Variants in OR5A2 observed in about 807,000 individuals in gnomAD.
OR5A2 encodes olfactory receptor 5A2.
For missense variants in OR5A2, 406 were observed against 398.9 expected (o/e 1.02, Z -0.15); for synonymous variants, 155 against 151.1 (o/e 1.03, Z -0.19).
intron 1 of OR5A2, chr11:59,424,795 TTG>T (rs1565071285): frequency 6.6e-6 from 1 of 152,194 alleles, no homozygotes; most frequent in Non-Finnish European, 1.5e-5. Flanking sequence ...GCTCCTAGCT[TTG>T]TGTTTTTTAC....
Position 59,422,765 on chromosome 11 carries a change from G to C in OR5A2, c.189C>G (p.Phe63Leu), listed in dbSNP as rs770361064. ...TGTCCAGGAAGGACAGGTTACTGAG[G>C]AAGAAGTACATGGGCATGTGCAGGT... ...DSHLHMPMYF[F>L]LSNLSFLDIC... The change falls in exon 2 of 2, where the codon TTC (phenylalanine) becomes TTG (leucine). Residue 63 changes from phenylalanine (F) to leucine (L), a missense_variant. Transcript: ENST00000302040. The C allele has an allele frequency of 6.2e-6, 10 of 1,614,020 alleles. No individual in the cohort carries two copies. Among genetic ancestry groups the C allele is most frequent in the African/African-American group, 1.3e-5 (1 of 74,924 alleles).
chr11:59,422,099 C>T lies in OR5A2; in HGVS notation c.855G>A (p.Val285=). The change falls in exon 2 of 2, where the codon GTG becomes GTA. Residue 285 remains valine, a synonymous_variant. Coordinates refer to ENST00000302040, the MANE Select transcript of OR5A2 (RefSeq NM_001001954.2). The part of the protein sequence containing the change: ...VSIFYALVIP[V]VNPIIYSFRN... ...TAAAACTGTAGATGATGGGATTCACCACGGGGATCACCAAGGCATAGAATA... is the reference window on the plus strand; with the variant it reads ...TAAAACTGTAGATGATGGGATTCACTACGGGGATCACCAAGGCATAGAATA... 1 of 1,613,990 alleles carries T rather than the reference C, an allele frequency of 6.2e-7. No individual in the cohort carries two copies. Among genetic ancestry groups the T allele is most frequent in the Non-Finnish European group, 8.5e-7 (1 of 1,179,996 alleles).
chr11:59,423,588 T>TTGTG (rs746359627), intron 1 of OR5A2: 2 of 150,848 alleles, frequency 1.3e-5, no homozygotes. Context: ...GGAAAAAAAT[T>TTGTG]TGTGTGTGTG....
Position 59,422,257 on chromosome 11 carries a change from T to C in OR5A2, c.697A>G (p.Thr233Ala). Reference protein sequence around the residue: ...VAAVVKISSATGRTKAFSTCA... With the variant: ...VAAVVKISSAAGRTKAFSTCA... ...GTGCTGAAGGCCTTTGTCCTACCTG[T>C]AGCTGAGCTGATCTTCACAACAGCA... Residue 233 changes from threonine (T) to alanine (A), a missense_variant, in exon 2 of 2, where the codon ACA (threonine) becomes GCA (alanine). Transcript: ENST00000302040. 1 of 1,614,108 alleles carries C rather than the reference T, an allele frequency of 6.2e-7. No individual in the cohort carries two copies. The highest frequency in any genetic ancestry group is 1.3e-5 in the African/African-American group (1 of 75,032).
rs1013363565 is a variant in OR5A2 at position 59,417,231 on chromosome 11, T to C, written c.*4748A>G. On this transcript the variant is annotated 3_prime_UTR_variant, in exon 2 of 2. Coordinates refer to ENST00000302040, the MANE Select transcript of OR5A2 (RefSeq NM_001001954.2). Reference sequence around the variant, plus strand: ...AAAGTGTGCGGTTAGTCTCTTCAACTAGATACTGCCAGCCATTTGGTCTGG... The same window carrying C: ...AAAGTGTGCGGTTAGTCTCTTCAACCAGATACTGCCAGCCATTTGGTCTGG... 1 of 152,022 alleles carries C rather than the reference T, an allele frequency of 6.6e-6. No individual in the cohort carries two copies. The highest frequency in any genetic ancestry group is 1.5e-5 in the Non-Finnish European group (1 of 67,958). 9.4% of individuals were successfully genotyped at this position (152,022 alleles called of 1,614,324 possible).
At chr11:59,423,077 T>TA in intron 1 of OR5A2, 33 bp from the exon 2 acceptor site, 1 of 1,002,256 alleles carries the variant, frequency 1.0e-6, no homozygotes, top group African/African-American at 1.6e-5. Context: ...AGCAACAAGT[T>TA]AAACTACACC....
Position 59,421,904 on chromosome 11 carries a change from A to T in OR5A2, c.*75T>A. On this transcript the variant is annotated 3_prime_UTR_variant, in exon 2 of 2. Transcript: ENST00000302040. ...GAAAAAAGCCTGATTCCCACAATTC[A>T]TTCTATAGATCAACTAGTTTAAAAT... The T allele has an allele frequency of 7.0e-7, 1 of 1,430,032 alleles. No homozygotes were observed. The highest frequency in any genetic ancestry group is 1.4e-5 in the South Asian group (1 of 70,108). The allele number at this position is 1,430,032 out of a possible 1,614,324, so 88.6% of individuals were successfully genotyped here.
At chr11:59,423,445 A>AG (rs1307287428) in intron 1 of OR5A2, 3 of 153,458 alleles carry the variant, frequency 2.0e-5, no homozygotes, top group African/African-American at 7.2e-5. Context: ...TAAGCATTAT[A>AG]GATCTTTAGT....
chr11:59,421,764 G>T lies in OR5A2; in HGVS notation c.*215C>A. ...TTTGTCATGATGAAGTTTTCTGCTA[G>T]GCAGAGCATTTAAAATCTCAAACTA... On this transcript the variant is annotated 3_prime_UTR_variant, in exon 2 of 2. Coordinates refer to ENST00000302040, the MANE Select transcript of OR5A2 (RefSeq NM_001001954.2). The T allele has an allele frequency of 4.2e-6, 2 of 481,570 alleles. No homozygotes were observed. The highest frequency in any genetic ancestry group is 4.4e-5 in the South Asian group (1 of 22,536). The allele number at this position is 481,570 out of a possible 1,614,324, so 29.8% of individuals were successfully genotyped here. A position where few individuals can be genotyped will look rare whatever the true frequency, so the allele number is the denominator to read the frequency against.
In OR5A2 at chr11:59,422,471, T is replaced by C. The variant is rs750724216; in HGVS notation, c.483A>G (p.Thr161=). The part of the protein sequence containing the change: ...VGGFLSSFIE[T]YSVYQHDFCG... ...AGAAATCATGCTGATAGACAGAGTA[T>C]GTTTCAATGAAAGAACTAAGGAATC... Residue 161 remains threonine (T), a synonymous_variant, in exon 2 of 2, where the codon ACA becomes ACG. Transcript: ENST00000302040. 1 of 1,614,122 alleles carries C rather than the reference T, an allele frequency of 6.2e-7. No individual in the cohort carries two copies.
intron 1 of OR5A2, chr11:59,423,694 T>C (rs975934667): frequency 5.3e-5 from 8 of 152,160 alleles, no homozygotes; most frequent in Admixed American, 1.3e-4. Flanking sequence ...TGTATGTTTG[T>C]GCATATATAT....
In OR5A2 at chr11:59,420,506, C is replaced by T. The variant is rs1027776811; in HGVS notation, c.*1473G>A. ...GCAGTATTCTAAGTATTTACATGTA[C>T]TGACTCATTTAATTCTTCACAATAG... is the stretch of plus-strand genomic sequence containing the variant. On this transcript the variant is annotated 3_prime_UTR_variant, in exon 2 of 2. Transcript: ENST00000302040. 6.6e-6 allele frequency: 1 copy of T among 152,064 alleles called. No homozygotes were observed. Among genetic ancestry groups the T allele is most frequent in the African/African-American group, 2.4e-5 (1 of 41,420 alleles). 9.4% of individuals were successfully genotyped at this position (152,064 alleles called of 1,614,324 possible). A position where few individuals can be genotyped will look rare whatever the true frequency, so the allele number is the denominator to read the frequency against.
Position 59,421,419 on chromosome 11 carries a change from T to G in OR5A2, c.*560A>C, listed in dbSNP as rs1858218600. 6.6e-6 allele frequency: 1 copy of G among 152,478 alleles called. No homozygotes were observed. The highest frequency in any genetic ancestry group is 2.4e-5 in the African/African-American group (1 of 41,428). 9.4% of individuals were successfully genotyped at this position (152,478 alleles called of 1,614,324 possible). On this transcript the variant is annotated 3_prime_UTR_variant, in exon 2 of 2. Transcript: ENST00000302040. Reference sequence around the variant, plus strand: ...TGTGAATGGGGACAAATATCCAAATTCTATCAAGGCCCAAATCAGAATTAT... The same window carrying G: ...TGTGAATGGGGACAAATATCCAAATGCTATCAAGGCCCAAATCAGAATTAT...
rs1858248543 is a variant in OR5A2, at chr11:59,422,873, G to A, written c.81C>T (p.Phe27=). The change falls in exon 2 of 2, where the codon TTC becomes TTT. Residue 27 remains phenylalanine, a synonymous_variant. Coordinates refer to ENST00000302040, the MANE Select transcript of OR5A2 (RefSeq NM_001001954.2). ...AGAGCCCCAGAAATAACATGAAAAG[G>A]AAAATCTTCATTTGAGGATGGTCTG... ...GLSDHPQMKI[F]LFMLFLGLYL... The A allele has an allele frequency of 1.2e-6, 2 of 1,614,146 alleles. No individual in the cohort carries two copies. Among genetic ancestry groups the A allele is most frequent in the African/African-American group, 1.3e-5 (1 of 75,026 alleles).
rs557787118 is a variant in OR5A2 at position 59,420,800 on chromosome 11, C to G, written c.*1179G>C. On this transcript the variant is annotated 3_prime_UTR_variant, in exon 2 of 2. Coordinates refer to ENST00000302040, the MANE Select transcript of OR5A2 (RefSeq NM_001001954.2). ...TTCTCTTCCAGAATTAATCACAGCCCTGGTAAAAATAGAGAACTTTTCATC... is the reference window on the plus strand; with the variant it reads ...TTCTCTTCCAGAATTAATCACAGCCGTGGTAAAAATAGAGAACTTTTCATC... The G allele has an allele frequency of 6.6e-6, 1 of 152,154 alleles. No individual in the cohort carries two copies. Among genetic ancestry groups the G allele is most frequent in the Non-Finnish European group, 1.5e-5 (1 of 68,032 alleles). The allele number at this position is 152,154 out of a possible 1,614,324, so 9.4% of individuals were successfully genotyped here.
chr11:59,418,308 T>TA lies in OR5A2; in HGVS notation c.*3670dup, dbSNP rs920088426. The TA allele has an allele frequency of 2.0e-5, 3 of 152,180 alleles. No homozygotes were observed. Among genetic ancestry groups the TA allele is most frequent in the African/African-American group, 7.2e-5 (3 of 41,468 alleles). The allele number at this position is 152,180 out of a possible 1,614,324, so 9.4% of individuals were successfully genotyped here. On this transcript the variant is annotated 3_prime_UTR_variant, in exon 2 of 2. Coordinates refer to ENST00000302040, the MANE Select transcript of OR5A2 (RefSeq NM_001001954.2). ...CAGATGGATAATTGTGCCACTGGCG[T>TA]AAGTTCAAGCTTGGCAGCTTTGTTC...
At position 59,422,934 on chromosome 11, in the gene OR5A2, T is replaced by G; in HGVS notation, c.20A>C (p.Asn7Thr). The G allele has an allele frequency of 6.2e-7, 1 of 1,613,618 alleles. No individual in the cohort carries two copies. The highest frequency in any genetic ancestry group is 8.5e-7 in the Non-Finnish European group (1 of 1,179,682). Reference sequence around the variant, plus strand: ...GAGAATGAATTTTGTCACAATTGTGTTGTTCCTTCCTACAGCCATAGGCCT... The same window carrying G: ...GAGAATGAATTTTGTCACAATTGTGGTGTTCCTTCCTACAGCCATAGGCCT... MAVGRN[N>T]TIVTKFILLG... The change falls in exon 2 of 2, where the codon AAC becomes ACC. Residue 7 changes from asparagine to threonine, a missense_variant. Transcript: ENST00000302040.
In OR5A2 at chr11:59,421,628, C is replaced by T; in HGVS notation, c.*351G>A. 5.3e-6 allele frequency: 1 copy of T among 190,340 alleles called. No individual in the cohort carries two copies. Among genetic ancestry groups the T allele is most frequent in the African/African-American group, 2.3e-5 (1 of 42,878 alleles). The allele number at this position is 190,340 out of a possible 1,614,324, so 11.8% of individuals were successfully genotyped here. On this transcript the variant is annotated 3_prime_UTR_variant, in exon 2 of 2. Coordinates refer to ENST00000302040, the MANE Select transcript of OR5A2 (RefSeq NM_001001954.2). Reference sequence around the variant, plus strand: ...AGAAAAAACATCATCCTCTTCAGGTCATTATACCATGTTGTACCTTAAATA... The same window carrying T: ...AGAAAAAACATCATCCTCTTCAGGTTATTATACCATGTTGTACCTTAAATA...
chr11:59,420,503 G>A lies in OR5A2; in HGVS notation c.*1476C>T, dbSNP rs1302005104. On this transcript the variant is annotated 3_prime_UTR_variant, in exon 2 of 2. Coordinates refer to ENST00000302040, the MANE Select transcript of OR5A2 (RefSeq NM_001001954.2). Reference sequence around the variant, plus strand: ...AATGCAGTATTCTAAGTATTTACATGTACTGACTCATTTAATTCTTCACAA... The same window carrying A: ...AATGCAGTATTCTAAGTATTTACATATACTGACTCATTTAATTCTTCACAA... 6.6e-6 allele frequency: 1 copy of A among 151,998 alleles called. No individual in the cohort carries two copies. Among genetic ancestry groups the A allele is most frequent in the African/African-American group, 2.4e-5 (1 of 41,384 alleles). 9.4% of individuals were successfully genotyped at this position (151,998 alleles called of 1,614,324 possible).
Sources: allele counts gnomAD v4.1 joint callset, GRCh38; gene constraint gnomAD v4.1.1; transcripts MANE v1.5; gene names NCBI Gene and HGNC (gene_info 2026-07-23, HGNC 2026-07-21).